The following MACROD2 variants were observed in gnomAD, a reference collection of about 807,000 sequenced individuals.
MACROD2 encodes mono-ADP ribosylhydrolase 2, also known as ADP-ribose glycohydrolase MACROD2.
A neutral mutation model predicts 70.4 loss-of-function variants in MACROD2; 36 were observed. That is an observed-to-expected ratio of 0.51 (90% confidence interval 0.39 to 0.68). The LOEUF (loss-of-function observed/expected upper bound fraction) is 0.68, where lower values mean the gene tolerates loss of function less well. Among genes scored for constraint, MACROD2 ranks in the 30% least tolerant of loss-of-function variants. MACROD2 has a pLI of 0.00. For missense variants in MACROD2, 496 were observed against 538.4 expected (o/e 0.92, Z 0.78); for synonymous variants, 172 against 178.8 (o/e 0.96, Z 0.30).
intron 3 of MACROD2, among the ~76,000 whole-genome samples, chr20:14,101,104 A>G: frequency 6.6e-6 from 1 of 151,740 alleles, no homozygotes; most frequent in East Asian, 1.9e-4. Context: ...AGTTAATTAT[A>G]AAAACTTTTG....
At chr20:15,227,068 T>C (rs1160644145) in intron 5 of MACROD2, among the ~76,000 whole-genome samples, 1 of 152,172 alleles carries the variant, frequency 6.6e-6, no homozygotes, top group Non-Finnish European at 1.5e-5. Flanking sequence ...GAGGTCATCA[T>C]GTTGGTCGAT....
At chr20:14,239,635 G>A (rs1406011754) in intron 3 of MACROD2, among the ~76,000 whole-genome samples, 1 of 151,884 alleles carries the variant, frequency 6.6e-6, no homozygotes, top group Non-Finnish European at 1.5e-5. Flanking sequence ...TTCAATAAAT[G>A]GTGGATATGC....
At chr20:15,749,042 T>C (rs1446438131) in intron 8 of MACROD2, among the ~76,000 whole-genome samples, 1 of 152,172 alleles carries the variant, frequency 6.6e-6, no homozygotes, top group Non-Finnish European at 1.5e-5. Context: ...TACAAATACA[T>C]AGCTCTTACC....
chr20:15,618,141 A>G (rs1421330494), intron 8 of MACROD2, among the ~76,000 whole-genome samples: 1 of 120,650 alleles, frequency 8.3e-6, no homozygotes, highest in Non-Finnish European at 1.6e-5. Flanking sequence ...TCAAATACTG[A>G]AAAAGTCCTT....
At chr20:14,266,435 C>G (rs1568528642) in intron 3 of MACROD2, among the ~76,000 whole-genome samples, 1 of 152,070 alleles carries the variant, frequency 6.6e-6, no homozygotes, top group Non-Finnish European at 1.5e-5. Context: ...AGACTCATTC[C>G]TTAAACCTGC....
chr20:16,024,475 C>T (rs185298355), intron 15 of MACROD2, among the ~76,000 whole-genome samples: 81 of 151,402 alleles, frequency 5.3e-4, no homozygotes, highest in African/African-American at 1.8e-3. Context: ...ACTACTTTTT[C>T]ACCCAACCCA....
intron 3 of MACROD2, among the ~76,000 whole-genome samples, chr20:14,456,025 A>G (rs191478988): frequency 6.6e-6 from 1 of 151,998 alleles, no homozygotes; most frequent in Admixed American, 6.5e-5. Context: ...CAGTGATTCT[A>G]TTAAAATATA....
chr20:15,513,032 C>T (rs922815860), intron 8 of MACROD2, among the ~76,000 whole-genome samples: 2 of 152,160 alleles, frequency 1.3e-5, no homozygotes, highest in Admixed American at 6.5e-5. Flanking sequence ...CTACAAAGTT[C>T]GTTTTTCTAA....
chr20:15,066,496 C>T (rs546279274), intron 5 of MACROD2, among the ~76,000 whole-genome samples: 11 of 152,192 alleles, frequency 7.2e-5, no homozygotes, highest in South Asian at 2.1e-4. Flanking sequence ...TGCCTACATT[C>T]GTTCGCCAAA....
At chr20:14,005,160 C>T (rs904703927) in intron 2 of MACROD2, among the ~76,000 whole-genome samples, 3 of 152,030 alleles carry the variant, frequency 2.0e-5, no homozygotes, top group Non-Finnish European at 4.4e-5. Context: ...AACACAAAAT[C>T]AGTGTTTATA....
At chr20:14,725,450 A>G (rs1249387689) in intron 5 of MACROD2, among the ~76,000 whole-genome samples, 3 of 152,146 alleles carry the variant, frequency 2.0e-5, no homozygotes, top group African/African-American at 7.2e-5. Flanking sequence ...AGCAAAGGAG[A>G]CAGAGAAGGC....
At position 14,719,438 on chromosome 20, in the gene MACROD2, C is replaced by T. The variant is rs545765563; in HGVS notation, c.418+34479C>T. ...AATTCACTCACAGAATTCTACTTCC[C>T]ACTACAGTTCTATCAGGAATAGGCA... is the stretch of plus-strand genomic sequence containing the variant. On this transcript the variant is annotated intron_variant, in intron 5 of 17. Coordinates refer to ENST00000684519, the MANE Select transcript of MACROD2 (RefSeq NM_001351661.2). Among the ~76,000 whole-genome samples the T allele has an allele frequency of 1.3e-3, 194 of 148,812 alleles. 2 individuals carry two copies. The highest frequency in any genetic ancestry group is 4.3e-3 in the African/African-American group (173 of 40,332).
chr20:15,461,006 A>ATATATATATATATATTTTTTTTTT, intron 7 of MACROD2, among the ~76,000 whole-genome samples: 11 of 67,002 alleles, frequency 1.6e-4, no homozygotes, highest in South Asian at 6.8e-4. Flanking sequence ...ATATATATAT[A>ATATATATATATATATTTTTTTTTT]TTTTTTTTTA....
At chr20:15,905,556 A>G (rs181595915) in intron 10 of MACROD2, among the ~76,000 whole-genome samples, 7 of 152,184 alleles carry the variant, frequency 4.6e-5, no homozygotes, top group African/African-American at 1.7e-4. Context: ...CATTAGAGTG[A>G]TTGTTTTCAA....
At chr20:14,100,859 A>G (rs1363864911) in intron 3 of MACROD2, among the ~76,000 whole-genome samples, 2 of 142,880 alleles carry the variant, frequency 1.4e-5, no homozygotes, top group African/African-American at 2.6e-5. Flanking sequence ...TATATCATAT[A>G]TAATATATAA....
chr20:15,367,902 A>T (rs183908110), intron 6 of MACROD2, among the ~76,000 whole-genome samples: 1 of 152,104 alleles, frequency 6.6e-6, no homozygotes, highest in Admixed American at 6.6e-5. Flanking sequence ...TATTTTATAT[A>T]TTTTTTTCAA....
intron 5 of MACROD2, among the ~76,000 whole-genome samples, chr20:14,854,980 C>T (rs2073238892): frequency 6.6e-6 from 1 of 152,036 alleles, no homozygotes; most frequent in Non-Finnish European, 1.5e-5. Flanking sequence ...CGCACCACTG[C>T]ACTCCAGCCT....
intron 5 of MACROD2, among the ~76,000 whole-genome samples, chr20:15,144,026 A>G (rs2145850998): frequency 6.6e-6 from 1 of 152,126 alleles, no homozygotes; most frequent in African/African-American, 2.4e-5. Flanking sequence ...CTGCATTAAA[A>G]GCCATCCTGG....
chr20:15,991,096 T>C (rs568016539), intron 15 of MACROD2, among the ~76,000 whole-genome samples: 3 of 152,142 alleles, frequency 2.0e-5, no homozygotes, highest in Admixed American at 6.6e-5. Flanking sequence ...TTACCAATGA[T>C]TGGACAGCTA....
Sources: allele counts gnomAD v4.1 joint callset (sites outside exome capture counted in the v4.1 genomes callset), GRCh38; gene constraint gnomAD v4.1.1; transcripts MANE v1.5; gene names NCBI Gene and HGNC (gene_info 2026-07-23, HGNC 2026-07-21).